Variants in SLC37A1 observed in about 807,000 individuals in gnomAD.
SLC37A1 encodes the protein solute carrier family 37 member 1, also known as glucose-6-phosphate exchanger SLC37A1.
SLC37A1 carries 49 observed loss-of-function variants against 75.3 expected under a neutral mutation model. The ratio of observed to expected loss-of-function variants is 0.65; its 90% CI spans 0.52 to 0.83. The LOEUF is 0.83. SLC37A1 is among the 40% of genes least tolerant of loss of function. The pLI is 0.00. For missense variants in SLC37A1, 566 were observed against 695.0 expected (o/e 0.81, Z 2.09); for synonymous variants, 268 against 292.1 (o/e 0.92, Z 0.84).
chr21:42,573,320 G>C (rs368760167), intron 17 of SLC37A1, among the ~76,000 whole-genome samples: 1 of 126,800 alleles, frequency 7.9e-6, no homozygotes. Flanking sequence ...CGTTCCCACT[G>C]CGTTCCTCCT....
At chr21:42,557,158 G>C (rs61172196) in intron 10 of SLC37A1, among the ~76,000 whole-genome samples, 4,980 of 152,280 alleles carry the variant, frequency 0.033, 278 homozygotes, top group African/African-American at 0.11. Flanking sequence ...AAGCGGCCTC[G>C]TTCCGCTTGA....
chr21:42,569,157 C>G (rs2839555), intron 17 of SLC37A1, among the ~76,000 whole-genome samples: 87,389 of 152,098 alleles, frequency 0.57, 25,725 homozygotes, highest in Admixed American at 0.68. Flanking sequence ...CTGTGTGTCA[C>G]TTGCTGCGTG....
intron 5 of SLC37A1, among the ~76,000 whole-genome samples, chr21:42,537,729 G>A (rs889895796): frequency 8.5e-5 from 13 of 152,112 alleles, no homozygotes; most frequent in Non-Finnish European, 1.6e-4. Context: ...GCTTATTTAC[G>A]GTAAAGATAA....
rs367684039 is a variant in SLC37A1 at position 42,531,258 on chromosome 21, G to A, written c.139-3440G>A. On this transcript the variant is annotated intron_variant, in intron 3 of 19. Coordinates refer to ENST00000352133, the MANE Select transcript of SLC37A1 (RefSeq NM_001320537.2). ...CACTCGTCGCGCTGTGACTCCTGGC[G>A]GTTTTCTGTGTTCTTCCAGAAGATT... Among the ~76,000 whole-genome samples the A allele has an allele frequency of 1.2e-3, 179 of 152,300 alleles. 3 individuals carry two copies. In the South Asian group the frequency reaches 0.023, roughly 20 times the overall value.
chr21:42,551,051 T>G lies in SLC37A1; in HGVS notation c.769-3011T>G, dbSNP rs189698602. On this transcript the variant is annotated intron_variant, in intron 9 of 19. Coordinates refer to ENST00000352133, the MANE Select transcript of SLC37A1 (RefSeq NM_001320537.2). Reference sequence around the variant, plus strand: ...TGCTCTTGCCGTTTCTATTTACCATTGTAATGCAGGCAGGCCAGTTAGGCA... The same window carrying G: ...TGCTCTTGCCGTTTCTATTTACCATGGTAATGCAGGCAGGCCAGTTAGGCA... 4.6e-3 allele frequency among the ~76,000 whole-genome samples: 704 copies of G among 152,318 alleles called. 16 individuals are homozygous for G. The highest frequency in any genetic ancestry group is 7.1e-4 in the Non-Finnish European group (48 of 68,028).
At chr21:42,502,062 G>T (rs889259934) in intron 1 of SLC37A1, among the ~76,000 whole-genome samples, 6 of 152,194 alleles carry the variant, frequency 3.9e-5, no homozygotes, top group African/African-American at 1.4e-4. Flanking sequence ...AAATGATTTG[G>T]AAGTGCTATA....
chr21:42,573,367 TG>T (rs1235202441), intron 17 of SLC37A1, among the ~76,000 whole-genome samples: 3 of 152,186 alleles, frequency 2.0e-5, no homozygotes, highest in African/African-American at 7.2e-5. Context: ...TGGGCTCCGC[TG>T]GGCCTCGCTC....
intron 17 of SLC37A1, among the ~76,000 whole-genome samples, chr21:42,572,671 C>CAA (rs2056207846): frequency 9.4e-5 from 2 of 21,208 alleles, no homozygotes; most frequent in Admixed American, 7.0e-4. Context: ...TTCAGCCACA[C>CAA]ACACACAAAA....
chr21:42,507,085 G>C (rs2054390452), intron 2 of SLC37A1, among the ~76,000 whole-genome samples: 1 of 151,872 alleles, frequency 6.6e-6, no homozygotes, highest in Admixed American at 6.6e-5. Flanking sequence ...ATTTCATCGT[G>C]TTGCCCAGGC....
chr21:42,572,990 A>G (rs2056223099), intron 17 of SLC37A1, among the ~76,000 whole-genome samples: 1 of 152,184 alleles, frequency 6.6e-6, no homozygotes, highest in Non-Finnish European at 1.5e-5. Flanking sequence ...CGGAACCTGC[A>G]GGAGGAGACT....
At chr21:42,556,502 C>T (rs1032836082) in intron 10 of SLC37A1, among the ~76,000 whole-genome samples, 3 of 152,204 alleles carry the variant, frequency 2.0e-5, no homozygotes, top group Non-Finnish European at 4.4e-5. Context: ...ATCGTTATTA[C>T]GCAGTCCCCC....
chr21:42,503,608 CAT>C (rs900619020), intron 2 of SLC37A1, among the ~76,000 whole-genome samples: 8 of 152,148 alleles, frequency 5.3e-5, no homozygotes, highest in Non-Finnish European at 8.8e-5. Context: ...GTCATTCACT[CAT>C]GTTTCTTGGG....
rs568066602 is a variant in SLC37A1 at position 42,548,271 on chromosome 21, G to A, written c.768+1131G>A. Among the ~76,000 whole-genome samples, 48 of 152,200 alleles carry A rather than the reference G, an allele frequency of 3.2e-4. No individual in the cohort carries two copies. The highest frequency in any genetic ancestry group is 7.9e-4 in the African/African-American group (33 of 41,524). On this transcript the variant is annotated intron_variant, in intron 9 of 19. Coordinates refer to ENST00000352133, the MANE Select transcript of SLC37A1 (RefSeq NM_001320537.2). This position sits in a 1 kb window ranked among gnomAD's most constrained non-coding sequence, Gnocchi z 5.6. ...CCAGAGTGACCCACCCCTGAGCTCC[G>A]CAATCTGAGGTCTCACCACCACTCA... is the stretch of plus-strand genomic sequence containing the variant.
At chr21:42,563,983 C>A in intron 13 of SLC37A1, 106 bp downstream of exon 13, 1 of 1,313,510 alleles carries the variant, frequency 7.6e-7, no homozygotes, top group Non-Finnish European at 1.1e-6. Context: ...GGTCTCATAT[C>A]CCCTGAGTGG....
At chr21:42,542,571 T>G in intron 7 of SLC37A1, 91 bp downstream of exon 7, 1 of 1,211,094 alleles carries the variant, frequency 8.3e-7, no homozygotes, top group Non-Finnish European at 1.2e-6. Flanking sequence ...GCAAAAACAC[T>G]TTAGTATCCT....
chr21:42,549,959 ACT>A (rs1216157455), intron 9 of SLC37A1, among the ~76,000 whole-genome samples: 2 of 151,988 alleles, frequency 1.3e-5, no homozygotes, highest in Admixed American at 6.6e-5. Flanking sequence ...GGCCAATCTG[ACT>A]CTATCAACGC....
chr21:42,580,618 T>G lies in SLC37A1; in HGVS notation c.*258T>G. The G allele has an allele frequency of 5.8e-5, 17 of 294,814 alleles. No homozygotes were observed. Among genetic ancestry groups the G allele is most frequent in the Middle Eastern group, 1.2e-3 (1 of 820 alleles). 18.3% of individuals were successfully genotyped at this position (294,814 alleles called of 1,614,324 possible). On this transcript the variant is annotated 3_prime_UTR_variant, in exon 20 of 20. Coordinates refer to ENST00000352133, the MANE Select transcript of SLC37A1 (RefSeq NM_001320537.2). ...AGAGAACCGAAGACCCGGCCGGCCC[T>G]GGCCTCACAGGCGTGTGCCCATGCA...
At chr21:42,533,484 A>G (rs1441284661) in intron 3 of SLC37A1, among the ~76,000 whole-genome samples, 1 of 152,064 alleles carries the variant, frequency 6.6e-6, no homozygotes, top group East Asian at 1.9e-4. Context: ...CCGCAACAAG[A>G]CGAGCCCCTG....
At chr21:42,572,228 C>CT (rs928268024) in intron 17 of SLC37A1, among the ~76,000 whole-genome samples, 3 of 150,374 alleles carry the variant, frequency 2.0e-5, no homozygotes, top group African/African-American at 7.3e-5. Flanking sequence ...CTGACCTTCT[C>CT]TTTTTTCTCT....
Sources: gnomAD v4.1 joint callset for allele counts (sites outside exome capture counted in the v4.1 genomes callset) on GRCh38, gnomAD v4.1.1 for gene constraint, Gnocchi (gnomAD v3.1) non-coding constraint, MANE v1.5 for transcripts, NCBI Gene and HGNC (gene_info 2026-07-23, HGNC 2026-07-21) for gene names.